Variants in IMMP2L observed in about 807,000 individuals in gnomAD.
IMMP2L encodes inner mitochondrial membrane peptidase subunit 2, also known as mitochondrial inner membrane protease subunit 2.
Under a neutral mutation model 19.3 loss-of-function variants are expected in IMMP2L, and 18 were observed. The ratio of observed to expected loss-of-function variants is 0.93; its 90% confidence interval spans 0.64 to 1.38. The LOEUF is 1.38. IMMP2L is among the 40% of genes most tolerant of loss of function. The pLI is 0.00. For missense variants in IMMP2L, 233 were observed against 218.2 expected, an observed-to-expected ratio of 1.07 and a Z score of -0.43; for synonymous variants, 76 against 73.0, an observed-to-expected ratio of 1.04 and a Z score of -0.21.
intron 2 of IMMP2L, among the ~76,000 whole-genome samples, chr7:111,518,126 T>G (rs1324024546): frequency 6.6e-6 from 1 of 152,110 alleles, no homozygotes; most frequent in Non-Finnish European, 1.5e-5. Context: ...CTTAATGAAT[T>G]GCAAATTAAT....
chr7:111,557,297 T>A (rs1791478924), intron 1 of IMMP2L, among the ~76,000 whole-genome samples: 1 of 152,146 alleles, frequency 6.6e-6, no homozygotes, highest in Non-Finnish European at 1.5e-5. Context: ...AATTCTTCAG[T>A]GGCTCACTAC....
chr7:111,068,349 T>A (rs62464055), intron 3 of IMMP2L, among the ~76,000 whole-genome samples: 1 of 152,128 alleles, frequency 6.6e-6, no homozygotes. Flanking sequence ...AAATATATTT[T>A]GTATAGAATA....
intron 5 of IMMP2L, among the ~76,000 whole-genome samples, chr7:110,832,373 A>G (rs1341035296): frequency 6.6e-6 from 1 of 152,288 alleles, no homozygotes; most frequent in East Asian, 1.9e-4. Flanking sequence ...GCTAAATAAC[A>G]TCTTAGCAAA....
At chr7:110,847,097 C>T (rs928374161) in intron 5 of IMMP2L, among the ~76,000 whole-genome samples, 5 of 152,172 alleles carry the variant, frequency 3.3e-5, no homozygotes, top group African/African-American at 1.2e-4. Context: ...GTATCTCTAA[C>T]AACACAGCAC....
At chr7:111,025,512 G>T (rs1037414934) in intron 3 of IMMP2L, among the ~76,000 whole-genome samples, 3 of 152,052 alleles carry the variant, frequency 2.0e-5, no homozygotes, top group Admixed American at 1.3e-4. Context: ...AATAAAACAG[G>T]TTGCGCCTAA....
intron 3 of IMMP2L, among the ~76,000 whole-genome samples, chr7:111,297,152 A>G (rs1210954728): frequency 6.6e-6 from 1 of 152,102 alleles, no homozygotes; most frequent in African/African-American, 2.4e-5. Flanking sequence ...TGGTGTTTGC[A>G]TGAATCTACA....
At chr7:110,817,943 A>G (rs573731185) in intron 5 of IMMP2L, among the ~76,000 whole-genome samples, 1 of 152,218 alleles carries the variant, frequency 6.6e-6, no homozygotes, top group South Asian at 2.1e-4. Flanking sequence ...CCTTCCTTAC[A>G]CCTTATACAA....
intron 3 of IMMP2L, among the ~76,000 whole-genome samples, chr7:111,130,215 C>T (rs182704405): frequency 5.9e-5 from 9 of 152,148 alleles, no homozygotes; most frequent in East Asian, 1.9e-4. Context: ...TATGTCAATA[C>T]GACTTTTTCT....
chr7:111,199,013 C>T (rs992268529), intron 3 of IMMP2L, among the ~76,000 whole-genome samples: 1 of 152,174 alleles, frequency 6.6e-6, no homozygotes, highest in Non-Finnish European at 1.5e-5. Context: ...CTAAATTCCA[C>T]TGAACTTGAT....
chr7:110,764,512 T>C (rs536273954), intron 5 of IMMP2L, among the ~76,000 whole-genome samples: 23 of 152,226 alleles, frequency 1.5e-4, no homozygotes, highest in African/African-American at 4.1e-4. Flanking sequence ...TATATCACGA[T>C]TGAGCTTTTA....
At chr7:111,004,364 T>C (rs1222413520) in intron 3 of IMMP2L, among the ~76,000 whole-genome samples, 2 of 152,124 alleles carry the variant, frequency 1.3e-5, no homozygotes, top group Non-Finnish European at 2.9e-5. Context: ...AGGGTTTTTC[T>C]GTGTTTCCCA....
intron 3 of IMMP2L, among the ~76,000 whole-genome samples, chr7:111,242,475 G>A (rs530952983): frequency 2.0e-5 from 3 of 152,030 alleles, no homozygotes; most frequent in South Asian, 2.1e-4. Flanking sequence ...ATCCAGGGGC[G>A]CAGTTAAAGG....
At chr7:111,287,531 A>G (rs1186499929) in intron 3 of IMMP2L, among the ~76,000 whole-genome samples, 1 of 147,862 alleles carries the variant, frequency 6.8e-6, no homozygotes, top group Non-Finnish European at 1.5e-5. Context: ...TTGTTCCACA[A>G]AATCAAGAAT....
chr7:110,997,418 A>G (rs1823153656), intron 3 of IMMP2L, among the ~76,000 whole-genome samples: 1 of 152,102 alleles, frequency 6.6e-6, no homozygotes, highest in African/African-American at 2.4e-5. Context: ...TGTCCAAGTG[A>G]CAATTGCTGG....
intron 5 of IMMP2L, among the ~76,000 whole-genome samples, chr7:110,695,309 A>G (rs1793804294): frequency 1.3e-5 from 2 of 151,886 alleles, no homozygotes; most frequent in South Asian, 4.2e-4. Context: ...CCCCCGCCTT[A>G]GCCTCCCAAG....
chr7:111,425,440 T>C lies in IMMP2L; in HGVS notation c.239+61798A>G, dbSNP rs927736129. 2.2e-4 allele frequency among the ~76,000 whole-genome samples: 34 copies of C among 151,288 alleles called. 2 individuals are homozygous for C. The highest frequency in any genetic ancestry group is 2.7e-4 in the Non-Finnish European group (18 of 67,712). On this transcript the variant is annotated intron_variant, in intron 3 of 5. Coordinates refer to ENST00000405709, the MANE Select transcript of IMMP2L (RefSeq NM_032549.4). ...AAGAAAAAAAAACTGTAAACTATTC[T>C]TGAACTCTAGTTAACAATACGCATG...
At chr7:110,989,673 ATAT>A (rs1474995137) in intron 3 of IMMP2L, among the ~76,000 whole-genome samples, 1 of 150,726 alleles carries the variant, frequency 6.6e-6, no homozygotes, top group Non-Finnish European at 1.5e-5. Flanking sequence ...CTAAATAAAA[ATAT>A]TAATATATAA....
intron 3 of IMMP2L, among the ~76,000 whole-genome samples, chr7:111,242,249 T>C (rs965454658): frequency 6.6e-6 from 1 of 152,026 alleles, no homozygotes; most frequent in Admixed American, 6.6e-5. Flanking sequence ...CATAAATCAG[T>C]CCCTTTTAGA....
At chr7:111,142,560 A>G (rs1803048946) in intron 3 of IMMP2L, among the ~76,000 whole-genome samples, 1 of 152,146 alleles carries the variant, frequency 6.6e-6, no homozygotes, top group South Asian at 2.1e-4. Context: ...GGACAAGCAG[A>G]TCACTACAAT....
Sources: allele counts gnomAD v4.1 joint callset (sites outside exome capture counted in the v4.1 genomes callset), GRCh38; gene constraint gnomAD v4.1.1; transcripts MANE v1.5; gene names NCBI Gene and HGNC (gene_info 2026-07-23, HGNC 2026-07-21).